CIMAP2: variants seen among roughly 807,000 people sequenced by gnomAD.
The protein encoded by CIMAP2 is ciliary microtubule associated protein 2.
the CIMAP2 span, among the ~76,000 whole-genome samples, chr1:54,813,628 CT>C: frequency 6.3e-4 from 96 of 151,730 alleles, 1 homozygote; most frequent in African/African-American, 2.3e-3. Context: ...TGGGGAAAGA[CT>C]GTCTGTTTCC....
the CIMAP2 span, among the ~76,000 whole-genome samples, chr1:54,832,333 T>C: frequency 1.3e-5 from 2 of 149,892 alleles, no homozygotes; most frequent in African/African-American, 5.0e-5. Flanking sequence ...AAAATTGATC[T>C]CTAAGAAAAT....
the CIMAP2 span, among the ~76,000 whole-genome samples, chr1:54,826,691 C>A: frequency 1.3e-5 from 2 of 152,326 alleles, no homozygotes; most frequent in South Asian, 4.1e-4. Context: ...GGAGCCTGTG[C>A]GGGGAATGTG....
chr1:54,841,854 A>G, the CIMAP2 span: 1 of 1,552,632 alleles, frequency 6.4e-7, no homozygotes, highest in African/African-American at 1.4e-5. Context: ...GTGGATTACA[A>G]TTCAGATCCT....
chr1:54,824,429 A>G, the CIMAP2 span, among the ~76,000 whole-genome samples: 1 of 152,102 alleles, frequency 6.6e-6, no homozygotes, highest in Non-Finnish European at 1.5e-5. Context: ...CTAGGTGTCT[A>G]TATCTTTTGC....
At chr1:54,822,131 C>T in the CIMAP2 span, among the ~76,000 whole-genome samples, 1 of 101,656 alleles carries the variant, frequency 9.8e-6, no homozygotes. Context: ...ATCTTCTGAC[C>T]TCGTGATCCG....
At chr1:54,815,151 C>A in the CIMAP2 span, 3 of 1,458,394 alleles carry the variant, frequency 2.1e-6, no homozygotes, top group East Asian at 4.6e-5. Context: ...CATATGCCTC[C>A]CCTTTCTTTT....
At chr1:54,839,641 G>C in the CIMAP2 span, among the ~76,000 whole-genome samples, 6 of 152,130 alleles carry the variant, frequency 3.9e-5, no homozygotes, top group Admixed American at 2.0e-4. Context: ...GCCTCCCAAA[G>C]TGCTAGGATT....
chr1:54,815,070 G>A, the CIMAP2 span: 1 of 1,612,002 alleles, frequency 6.2e-7, no homozygotes, highest in Non-Finnish European at 8.5e-7. Flanking sequence ...GGATACATGG[G>A]AACTCTCTCC....
the CIMAP2 span, chr1:54,806,263 G>A: frequency 8.9e-6 from 13 of 1,457,874 alleles, no homozygotes; most frequent in African/African-American, 1.5e-4. Context: ...ACGGTCCAAA[G>A]CAGCTGCTGC....
chr1:54,822,378 A>G, the CIMAP2 span, among the ~76,000 whole-genome samples: 1 of 132,748 alleles, frequency 7.5e-6, no homozygotes, highest in Non-Finnish European at 1.6e-5. Flanking sequence ...GATCCTTTGT[A>G]TTGGTTTTTT....
At chr1:54,811,713 A>T in the CIMAP2 span, 16 of 973,108 alleles carry the variant, frequency 1.6e-5, no homozygotes, top group African/African-American at 3.3e-5. Context: ...GGGGATGGCA[A>T]TCTCAGGTGT....
the CIMAP2 span, chr1:54,817,047 G>A: frequency 4.3e-6 from 7 of 1,614,176 alleles, no homozygotes; most frequent in South Asian, 3.3e-5. Flanking sequence ...AAGGACAGGC[G>A]GCAGCGATAT....
At chr1:54,807,638 C>G in the CIMAP2 span, 4 of 1,610,814 alleles carry the variant, frequency 2.5e-6, no homozygotes, top group Non-Finnish European at 3.4e-6. Flanking sequence ...ACGCGGCTGA[C>G]CCAGCTACCC....
At chr1:54,823,125 T>C in the CIMAP2 span, among the ~76,000 whole-genome samples, 7 of 152,126 alleles carry the variant, frequency 4.6e-5, no homozygotes, top group Non-Finnish European at 8.8e-5. Context: ...CATTTTTTCG[T>C]TGATTTTCTG....
At chr1:54,815,165 C>T in the CIMAP2 span, 1 of 1,394,458 alleles carries the variant, frequency 7.2e-7, no homozygotes, top group Non-Finnish European at 9.8e-7. Context: ...TTCTTTTCCC[C>T]AAGGGACCTG....
chr1:54,829,794 G>C, the CIMAP2 span, among the ~76,000 whole-genome samples: 8 of 152,074 alleles, frequency 5.3e-5, no homozygotes, highest in African/African-American at 1.9e-4. Flanking sequence ...AAGATATTAA[G>C]ACAAATATCT....
the CIMAP2 span, chr1:54,807,717 C>A: frequency 6.4e-7 from 1 of 1,552,314 alleles, no homozygotes; most frequent in South Asian, 1.2e-5. Flanking sequence ...CATGCCTCTC[C>A]CTCTCTGGTG....
the CIMAP2 span, among the ~76,000 whole-genome samples, chr1:54,831,729 C>T: frequency 7.2e-5 from 11 of 151,788 alleles, no homozygotes; most frequent in Non-Finnish European, 7.4e-5. Flanking sequence ...TAACCAACAA[C>T]GAAAAGGAAG....
the CIMAP2 span, among the ~76,000 whole-genome samples, chr1:54,824,053 G>A: frequency 0.044 from 6,690 of 151,626 alleles, 422 homozygotes; most frequent in East Asian, 0.18. Flanking sequence ...ACAAGTTCTC[G>A]CTCTGTCACT....
Sources: allele counts gnomAD v4.1 joint callset (sites outside exome capture counted in the v4.1 genomes callset), GRCh38; gene constraint gnomAD v4.1.1; transcripts MANE v1.5; gene names NCBI Gene and HGNC (gene_info 2026-07-23, HGNC 2026-07-21).